The following DCTN2 variants were observed in gnomAD, a reference collection of about 807,000 sequenced individuals.
DCTN2 encodes the protein 50 kDa dynein-associated polypeptide.
In DCTN2, 18 loss-of-function variants were observed where a neutral mutation model predicts 55.4. The observed-to-expected ratio is 0.32, with a 90% confidence interval of 0.22 to 0.48. The LOEUF (loss-of-function observed/expected upper bound fraction) is 0.48, where lower values mean the gene tolerates loss of function less well. Ranked by LOEUF, DCTN2 falls within the 20% of genes least tolerant of loss-of-function variation. The pLI, the probability that DCTN2 is intolerant of heterozygous loss-of-function variation, is 0.99. For synonymous variants in DCTN2, 168 were observed against 185.2 expected (o/e 0.91, Z 0.76); for missense variants, 390 against 491.0 (o/e 0.79, Z 1.94).
At chr12:57,538,582 G>A in intron 2 of DCTN2, 2 of 735,192 alleles carry the variant, frequency 2.7e-6, no homozygotes, top group Non-Finnish European at 5.0e-6. Flanking sequence ...GGGAGTGGGG[G>A]AATGGGGATG....
intron 13 of DCTN2, 71 bp from the exon 14 acceptor site, chr12:57,530,846 TTC>T (rs1347773420): frequency 7.8e-7 from 1 of 1,290,190 alleles, no homozygotes; most frequent in Non-Finnish European, 1.1e-6. Context: ...CCTGAAGGAA[TTC>T]TCTGAGAGAG....
At chr12:57,531,874 G>C (rs899519020) in intron 13 of DCTN2, 141 bp downstream of exon 13, 1 of 1,209,560 alleles carries the variant, frequency 8.3e-7, no homozygotes. Flanking sequence ...CCTTCACATT[G>C]AAAGCAGGAT....
chr12:57,541,462 C>T (rs1181067275), intron 2 of DCTN2: 2 of 1,304,824 alleles, frequency 1.5e-6, no homozygotes, highest in South Asian at 2.4e-5. Flanking sequence ...AGTCAATGAA[C>T]ACAATCAAGC....
At chr12:57,537,421 G>A (rs1264972773) in intron 2 of DCTN2, among the ~76,000 whole-genome samples, 1 of 151,228 alleles carries the variant, frequency 6.6e-6, no homozygotes, top group Non-Finnish European at 1.5e-5. Context: ...GAATTATTCT[G>A]GGGTAGGGCC....
intron 1 of DCTN2, 138 bp from the exon 2 acceptor site, chr12:57,546,234 G>A (rs1218548130): frequency 9.4e-6 from 7 of 741,270 alleles, no homozygotes; most frequent in Non-Finnish European, 1.4e-5. Context: ...CACCTGCCCC[G>A]TGAGTCAACA....
chr12:57,533,128 T>G, intron 8 of DCTN2, 106 bp from the exon 9 acceptor site: 1 of 1,561,832 alleles, frequency 6.4e-7, no homozygotes, highest in Non-Finnish European at 8.8e-7. Flanking sequence ...CTGATCCCTG[T>G]AACTGAAGCC....
In DCTN2 at chr12:57,534,405, C is replaced by G. The variant is rs1250380304; in HGVS notation, c.411G>C (p.Leu137Phe). ...SATEEKLTPVLLAKQLAALKQ... is the reference protein window; with the variant it reads ...SATEEKLTPVFLAKQLAALKQ... ...TCAGGGCTGCCAGCTGTTTAGCCAG[C>G]AACACAGGGGTCAGCTTCTCCTCTG... The change falls in exon 6 of 14, where the codon TTG (leucine) becomes TTC (phenylalanine). Residue 137 changes from leucine to phenylalanine, a missense_variant. Leu to Phe is a conservative substitution (Grantham distance 22). Around this residue, in one of 2 missense-constraint regions of DCTN2, gnomAD observed 117 missense variants for 187.8 expected, o/e 0.62. Coordinates refer to ENST00000548249, the MANE Select transcript of DCTN2 (RefSeq NM_001261413.2). 1 of 1,612,376 alleles carries G rather than the reference C, an allele frequency of 6.2e-7. No homozygotes were observed. The highest frequency in any genetic ancestry group is 1.7e-5 in the Admixed American group (1 of 59,906).
rs897426093 is a variant in DCTN2, at chr12:57,530,575, A to G, written c.*114T>C. The G allele has an allele frequency of 1.1e-6, 1 of 893,792 alleles. No individual in the cohort carries two copies. Among genetic ancestry groups the G allele is most frequent in the Non-Finnish European group, 1.8e-6 (1 of 568,140 alleles). The allele number at this position is 893,792 out of a possible 1,614,324, so 55.4% of individuals were successfully genotyped here. On this transcript the variant is annotated 3_prime_UTR_variant, in exon 14 of 14. Transcript: ENST00000548249. ...ACATGCAAGAAGAACCCTTGCCCCC[A>G]GTGTCAAATGGGATGGGGATGCTAG... is the stretch of plus-strand genomic sequence containing the variant.
intron 3 of DCTN2, 60 bp from the exon 4 acceptor site, chr12:57,535,605 C>T: frequency 6.3e-7 from 1 of 1,585,284 alleles, no homozygotes; most frequent in Non-Finnish European, 8.7e-7. Context: ...GTCATGGTCT[C>T]AGGTGACTGT....
At chr12:57,538,579 G>A in intron 2 of DCTN2, 1 of 738,926 alleles carries the variant, frequency 1.4e-6, no homozygotes, top group Non-Finnish European at 2.5e-6. Flanking sequence ...AAAGGGAGTG[G>A]GGGAATGGGG....
In DCTN2 at chr12:57,543,155, C is replaced by T. The variant is rs1880841377; in HGVS notation, c.105+2873G>A. ...ACGAGGTCAGGAGATCGAGACCATC[C>T]TGGCTAACACATGAAACCCCGTCTC... On this transcript the variant is annotated intron_variant, in intron 2 of 13. Transcript: ENST00000548249. 25 of 389,498 alleles carry T rather than the reference C, an allele frequency of 6.4e-5. 1 individual carries two copies. The highest frequency in any genetic ancestry group is 4.2e-4 in the South Asian group (22 of 52,262). The allele number at this position is 389,498 out of a possible 1,614,324, so 24.1% of individuals were successfully genotyped here.
chr12:57,532,539 G>A (rs766426432), intron 11 of DCTN2, 33 bp downstream of exon 11: 8 of 1,608,768 alleles, frequency 5.0e-6, no homozygotes, highest in African/African-American at 4.0e-5. Context: ...ACCTGAGGGA[G>A]TGGAAAGGAG....
At chr12:57,542,475 G>T (rs1183450901) in intron 2 of DCTN2, among the ~76,000 whole-genome samples, 2 of 152,216 alleles carry the variant, frequency 1.3e-5, no homozygotes, top group Non-Finnish European at 2.9e-5. Flanking sequence ...CAGGAAGAAA[G>T]TTATGGAGCA....
chr12:57,532,648 A>G lies in DCTN2; in HGVS notation c.853-5T>C. 2 of 1,613,976 alleles carry G rather than the reference A, an allele frequency of 1.2e-6. No individual in the cohort carries two copies. Among genetic ancestry groups the G allele is most frequent in the African/African-American group, 1.3e-5 (1 of 75,024 alleles). On this transcript the variant is annotated splice_region_variant and splice_polypyrimidine_tract_variant and intron_variant, in intron 10 of 13. Transcript: ENST00000548249. ...GTTCACCTTTCCCAGGACACTCTGA[A>G]AACACAGATTTTAAGGTTGATAGGG... is the stretch of plus-strand genomic sequence containing the variant.
At chr12:57,533,352 C>G (rs774762196) in intron 7 of DCTN2, 49 bp from the exon 8 acceptor site, 2 of 1,544,486 alleles carry the variant, frequency 1.3e-6, no homozygotes, top group Non-Finnish European at 1.8e-6. Context: ...CCTGCTGCTG[C>G]AATGGGAGGA....
chr12:57,544,765 G>A (rs1374394929), intron 2 of DCTN2, among the ~76,000 whole-genome samples: 1 of 152,114 alleles, frequency 6.6e-6, no homozygotes, highest in Non-Finnish European at 1.5e-5. Context: ...CATAAATACA[G>A]AGAACCGATT....
At position 57,533,010 on chromosome 12, in the gene DCTN2, C is replaced by T; in HGVS notation, c.748G>A (p.Ala250Thr). ...ATGAGACAGGCTCCCTGTAGACCTG[C>T]AGAAAGGGGATTCTGGTGGGAAAGG... ...CDQDAQNPLS[A>T]GLQGACLMET... Residue 250 changes from alanine to threonine, a missense_variant, in exon 9 of 14, where the codon GCA becomes ACA. Coordinates refer to ENST00000548249, the MANE Select transcript of DCTN2 (RefSeq NM_001261413.2). 3 of 1,602,046 alleles carry T rather than the reference C, an allele frequency of 1.9e-6. No homozygotes were observed. Among genetic ancestry groups the T allele is most frequent in the South Asian group, 1.1e-5 (1 of 89,756 alleles).
chr12:57,547,113 C>G lies in DCTN2; in HGVS notation c.-50G>C. ...ACCCGGGCCTCGGTGGAGCCGGGGC[C>G]GGTGTTCGGGTAGGGGAGAGGCTGG... On this transcript the variant is annotated 5_prime_UTR_variant, in exon 1 of 14. Coordinates refer to ENST00000548249, the MANE Select transcript of DCTN2 (RefSeq NM_001261413.2). The G allele has an allele frequency of 8.0e-7, 1 of 1,251,342 alleles. No homozygotes were observed. Among genetic ancestry groups the G allele is most frequent in the Non-Finnish European group, 1.0e-6 (1 of 988,502 alleles). 77.5% of individuals were successfully genotyped at this position (1,251,342 alleles called of 1,614,324 possible). A position where few individuals can be genotyped will look rare whatever the true frequency, so the allele number is the denominator to read the frequency against.
intron 13 of DCTN2, 27 bp from the exon 14 acceptor site, chr12:57,530,802 C>G: frequency 6.3e-7 from 1 of 1,583,060 alleles, no homozygotes; most frequent in Non-Finnish European, 8.7e-7. Flanking sequence ...AGGTTTTACT[C>G]TTTGTCAGGT....
Sources: gnomAD v4.1 joint callset for allele counts (sites outside exome capture counted in the v4.1 genomes callset) on GRCh38, gnomAD v4.1.1 for gene constraint, gnomAD v4.1.1 regional missense constraint, MANE v1.5 for transcripts, NCBI Gene and HGNC (gene_info 2026-07-23, HGNC 2026-07-21) for gene names.